The following BBOX1 variants were observed in gnomAD, a reference collection of about 807,000 sequenced individuals.
BBOX1 encodes the protein gamma-butyrobetaine dioxygenase.
A neutral mutation model predicts 41.6 loss-of-function variants in BBOX1; 35 were observed. That is an observed-to-expected ratio of 0.84 (90% CI 0.64 to 1.11). The LOEUF (loss-of-function observed/expected upper bound fraction) is 1.11. Among genes scored for constraint, BBOX1 ranks in the 50% most tolerant of loss-of-function variants. The pLI is 0.00. For missense variants in BBOX1, 458 were observed against 460.6 expected (o/e 0.99, Z 0.05); for synonymous variants, 163 against 154.7 (o/e 1.05, Z -0.40).
chr11:27,060,958 A>G (rs972773317), intron 4 of BBOX1, among the ~76,000 whole-genome samples: 2 of 152,318 alleles, frequency 1.3e-5, no homozygotes, highest in South Asian at 2.1e-4. Flanking sequence ...CTCCAATTAC[A>G]TAATTTAGTA....
intron 2 of BBOX1, among the ~76,000 whole-genome samples, chr11:27,042,464 T>C (rs980093837): frequency 9.8e-5 from 15 of 152,312 alleles, no homozygotes; most frequent in African/African-American, 3.6e-4. Flanking sequence ...GCGATTCTCC[T>C]GTCTTAACCT....
chr11:27,066,658 T>C (rs964864402), intron 4 of BBOX1: 7 of 140,088 alleles, frequency 5.0e-5, no homozygotes, highest in African/African-American at 1.8e-4. Context: ...AGCTCTGGGC[T>C]ATCCCTTCAG....
chr11:27,094,689 A>G (rs567977210), intron 5 of BBOX1, among the ~76,000 whole-genome samples: 80 of 152,086 alleles, frequency 5.3e-4, no homozygotes, highest in African/African-American at 1.8e-3. Flanking sequence ...CTAGAGTAAG[A>G]CTTGGTCTGT....
chr11:27,089,568 G>C (rs1183615527), intron 4 of BBOX1, among the ~76,000 whole-genome samples: 2 of 151,950 alleles, frequency 1.3e-5, no homozygotes, highest in Non-Finnish European at 2.9e-5. Context: ...CAGAAAACTA[G>C]AATTTTCAGC....
intron 7 of BBOX1, among the ~76,000 whole-genome samples, chr11:27,121,735 G>C (rs1037860664): frequency 6.6e-6 from 1 of 152,178 alleles, no homozygotes; most frequent in Non-Finnish European, 1.5e-5. Flanking sequence ...GAAATAACTT[G>C]AGACCCTTAG....
At chr11:27,093,649 T>TA (rs1355473455) in intron 5 of BBOX1, among the ~76,000 whole-genome samples, 1 of 150,040 alleles carries the variant, frequency 6.7e-6, no homozygotes, top group African/African-American at 2.5e-5. Flanking sequence ...TCAGATAACT[T>TA]AAACAGCAGA....
intron 4 of BBOX1, among the ~76,000 whole-genome samples, chr11:27,061,940 T>C (rs1156433214): frequency 6.6e-6 from 1 of 152,192 alleles, no homozygotes; most frequent in East Asian, 1.9e-4. Flanking sequence ...TGAGGACTTA[T>C]CAAGTCTGAA....
intron 4 of BBOX1, among the ~76,000 whole-genome samples, chr11:27,070,706 ATTTTTTTT>A (rs58041903): frequency 7.5e-6 from 1 of 133,726 alleles, no homozygotes; most frequent in African/African-American, 2.8e-5. Flanking sequence ...TTTGTGATTG[ATTTTTTTT>A]TTTTTTTTTT....
At chr11:27,103,112 C>A (rs1858724293) in intron 5 of BBOX1, among the ~76,000 whole-genome samples, 1 of 152,054 alleles carries the variant, frequency 6.6e-6, no homozygotes, top group South Asian at 2.1e-4. Context: ...ATCTCTTGAA[C>A]CCACGAGGCG....
intron 2 of BBOX1, among the ~76,000 whole-genome samples, chr11:27,042,911 G>T (rs1327738424): frequency 6.6e-6 from 1 of 151,972 alleles, no homozygotes; most frequent in South Asian, 2.1e-4. Flanking sequence ...TTATTTAAAG[G>T]TTAAAATATA....
At chr11:27,064,896 T>G (rs1590177878) in intron 4 of BBOX1, among the ~76,000 whole-genome samples, 1 of 135,538 alleles carries the variant, frequency 7.4e-6, no homozygotes, top group African/African-American at 2.6e-5. Flanking sequence ...GAGCCATAGG[T>G]GTCAGACATG....
At chr11:27,059,916 G>A (rs969386220) in intron 4 of BBOX1, among the ~76,000 whole-genome samples, 1 of 152,098 alleles carries the variant, frequency 6.6e-6, no homozygotes, top group African/African-American at 2.4e-5. Context: ...CAGGCTTATG[G>A]GTGGCAGAGA....
At chr11:27,105,427 C>T (rs532306443) in intron 5 of BBOX1, among the ~76,000 whole-genome samples, 1 of 152,168 alleles carries the variant, frequency 6.6e-6, no homozygotes, top group Non-Finnish European at 1.5e-5. Flanking sequence ...AACCATGGCA[C>T]GAGAACTACG....
chr11:27,077,738 G>A lies in BBOX1; in HGVS notation c.335-15430G>A, dbSNP rs1005364117. ...TTCTCATTGTCTCCCATTGGCTTTC[G>A]ATTTTATTGCATATTTGCTATTTGT... On this transcript the variant is annotated intron_variant, in intron 4 of 8. Coordinates refer to ENST00000263182, the MANE Select transcript of BBOX1 (RefSeq NM_003986.3). 2.0e-5 allele frequency among the ~76,000 whole-genome samples: 3 copies of A among 151,796 alleles called. No homozygotes were observed. The South Asian group carries it at 6.3e-4, about 32-fold the overall frequency.
chr11:27,106,681 G>T (rs1245987950), intron 5 of BBOX1, among the ~76,000 whole-genome samples: 1 of 152,066 alleles, frequency 6.6e-6, no homozygotes, highest in Non-Finnish European at 1.5e-5. Context: ...AGATCAATGA[G>T]ACAGAAAGTT....
rs191476712 is a variant in BBOX1, at chr11:27,050,971, T to G, written c.-38-4422T>G. Among the ~76,000 whole-genome samples, 59 of 152,224 alleles carry G rather than the reference T, an allele frequency of 3.9e-4. No individual in the cohort carries two copies. The East Asian group carries it at 9.5e-3, about 24-fold the overall frequency. On this transcript the variant is annotated intron_variant, in intron 2 of 8. Transcript: ENST00000263182. ...AGTGAATATGATGTTAGCTGTGGGC[T>G]TGGCACAGATGGCATTTATTATGTT...
At position 27,103,698 on chromosome 11, in the gene BBOX1, TA is replaced by T. The variant is rs977670384; in HGVS notation, c.533+10341del. Among the ~76,000 whole-genome samples the T allele has an allele frequency of 3.5e-4, 53 of 151,100 alleles. 1 individual carries two copies. In the East Asian group the frequency reaches 5.6e-3, roughly 16 times the overall value. On this transcript the variant is annotated intron_variant, in intron 5 of 8. Transcript: ENST00000263182. ...CTTTTGGATTCATTAGAAGTGGTTA[TA>T]AAAAAAAACAGAAGGTAGAAAAAAT...
chr11:27,055,423 C>T lies in BBOX1; in HGVS notation c.-8C>T, dbSNP rs1013909822. On this transcript the variant is annotated 5_prime_UTR_variant, in exon 3 of 9. Transcript: ENST00000263182. ...AGCTGACAGCATCTACTCCTGAAGA[C>T]CGGAAACATGGCTTGTACCATCCAA... 6.2e-7 allele frequency: 1 copy of T among 1,611,748 alleles called. No homozygotes were observed. The highest frequency in any genetic ancestry group is 8.5e-7 in the Non-Finnish European group (1 of 1,178,980).
intron 4 of BBOX1, among the ~76,000 whole-genome samples, chr11:27,069,895 G>T (rs892805410): frequency 2.0e-5 from 3 of 151,864 alleles, no homozygotes; most frequent in Admixed American, 2.0e-4. Flanking sequence ...TTGAACTTTT[G>T]TTTTTAATTC....
Sources: allele counts gnomAD v4.1 joint callset (sites outside exome capture counted in the v4.1 genomes callset), GRCh38; gene constraint gnomAD v4.1.1; transcripts MANE v1.5; gene names NCBI Gene and HGNC (gene_info 2026-07-23, HGNC 2026-07-21).